Variants in RFTN1 observed in about 807,000 individuals in gnomAD.
RFTN1 encodes the protein raftlin.
RFTN1 carries 26 observed loss-of-function variants against 46.5 expected under a neutral mutation model. The observed-to-expected ratio is 0.56, with a 90% confidence interval of 0.41 to 0.78. The LOEUF (loss-of-function observed/expected upper bound fraction) is 0.78, where lower values mean the gene tolerates loss of function less well. RFTN1 is among the 30% of genes least tolerant of loss of function. The probability of loss-of-function intolerance (pLI) is 0.00; values close to 1 mark genes in which losing one functional copy is unlikely to be tolerated. For synonymous variants in RFTN1, 261 were observed against 284.2 expected (o/e 0.92, Z 0.82); for missense variants, 693 against 718.7 (o/e 0.96, Z 0.41).
Position 16,435,917 on chromosome 3 carries a change from A to AATATATATCT in RFTN1, c.146-1881_146-1880insAGATATATAT, listed in dbSNP as rs1269069904. 1.5e-3 allele frequency among the ~76,000 whole-genome samples: 215 copies of AATATATATCT among 142,370 alleles called. 1 individual carries two copies. Among genetic ancestry groups the AATATATATCT allele is most frequent in the African/African-American group, 5.5e-3 (207 of 37,792 alleles). 93.4% of individuals were successfully genotyped at this position (142,370 alleles called of 152,430 possible). A position where few individuals can be genotyped will look rare whatever the true frequency, so the allele number is the denominator to read the frequency against. On this transcript the variant is annotated intron_variant, in intron 2 of 9. Transcript: ENST00000334133. The stretch of plus-strand genomic sequence containing the variant: ...AAATAAATAAAAAATCAGAGATGTA[A>AATATATATCT]ATATATATATATATATATATATATA...
At chr3:16,358,501 C>T (rs545711634) in intron 6 of RFTN1, among the ~76,000 whole-genome samples, 6 of 150,418 alleles carry the variant, frequency 4.0e-5, no homozygotes, top group South Asian at 2.1e-4. Flanking sequence ...TTGTCAGATG[C>T]GTTGATTTTT....
chr3:16,423,432 C>A (rs911042597), intron 3 of RFTN1, among the ~76,000 whole-genome samples: 1 of 152,156 alleles, frequency 6.6e-6, no homozygotes, highest in Admixed American at 6.5e-5. Flanking sequence ...TCCTTACCTA[C>A]CTTAACCCTC....
intron 7 of RFTN1, chr3:16,349,271 G>C (rs567188829): frequency 6.6e-6 from 1 of 152,372 alleles, no homozygotes; most frequent in Non-Finnish European, 1.5e-5. Context: ...AAGAAATACA[G>C]GCATGCTGGC....
At position 16,387,503 on chromosome 3, in the gene RFTN1, C is replaced by T. The variant is rs1324804834; in HGVS notation, c.442-9401G>A. ...AAGGCAAAACCCAGGCCATAGAGCT[C>T]ATGTTTTCTGGCACCCTGGAAGACC... is the stretch of plus-strand genomic sequence containing the variant. On this transcript the variant is annotated intron_variant, in intron 4 of 9. Transcript: ENST00000334133. The surrounding 1 kb of genome is among the most constrained non-coding windows in gnomAD (Gnocchi z 5.2). Among the ~76,000 whole-genome samples the T allele has an allele frequency of 6.6e-6, 1 of 151,806 alleles. No homozygotes were observed. The highest frequency in any genetic ancestry group is 1.5e-5 in the Non-Finnish European group (1 of 67,988).
intron 3 of RFTN1, chr3:16,416,026 G>C (rs1166794756): frequency 8.6e-6 from 2 of 233,622 alleles, no homozygotes; most frequent in Non-Finnish European, 1.8e-5. Context: ...TCATCTTGCT[G>C]CTGAGTCATT....
At chr3:16,365,037 T>A (rs1484630621) in intron 6 of RFTN1, among the ~76,000 whole-genome samples, 2 of 144,992 alleles carry the variant, frequency 1.4e-5, no homozygotes, top group Non-Finnish European at 3.0e-5. Context: ...CAATAAAAGT[T>A]TTTTTAAAGG....
chr3:16,445,984 G>T (rs1181964679), intron 2 of RFTN1, among the ~76,000 whole-genome samples: 1 of 151,724 alleles, frequency 6.6e-6, no homozygotes, highest in Non-Finnish European at 1.5e-5. Context: ...CCCATGCTGG[G>T]TTTATTTGCC....
Position 16,337,977 on chromosome 3 carries a change from A to G in RFTN1, c.1147-11101T>C, listed in dbSNP as rs1353245877. Reference sequence around the variant, plus strand: ...CAGTGCCACCAGCTTGCCCTGGAAGAGAGAGATAAAAACCCACACTGGGTA... The same window carrying G: ...CAGTGCCACCAGCTTGCCCTGGAAGGGAGAGATAAAAACCCACACTGGGTA... On this transcript the variant is annotated intron_variant, in intron 7 of 9. Transcript: ENST00000334133. This position sits in a 1 kb window ranked among gnomAD's most constrained non-coding sequence, Gnocchi z 5.0. 1.3e-5 allele frequency among the ~76,000 whole-genome samples: 2 copies of G among 152,256 alleles called. No individual in the cohort carries two copies. Among genetic ancestry groups the G allele is most frequent in the Non-Finnish European group, 2.9e-5 (2 of 68,006 alleles).
intron 3 of RFTN1, among the ~76,000 whole-genome samples, chr3:16,411,958 G>T (rs977904812): frequency 1.3e-5 from 2 of 152,182 alleles, no homozygotes; most frequent in Non-Finnish European, 2.9e-5. Flanking sequence ...AGCCCAGATC[G>T]ATTCTAGGGA....
chr3:16,490,691 G>T (rs1193735307), intron 2 of RFTN1, among the ~76,000 whole-genome samples: 4 of 152,162 alleles, frequency 2.6e-5, no homozygotes, highest in Non-Finnish European at 4.4e-5. Context: ...AAGATTTATG[G>T]ACAATATTGC....
rs2074660061 is a variant in RFTN1 at position 16,403,559 on chromosome 3, C to CAGAG, written c.441+5815_441+5816insCTCT. 5.6e-5 allele frequency among the ~76,000 whole-genome samples: 6 copies of CAGAG among 107,392 alleles called. 2 individuals carry two copies. Among genetic ancestry groups the CAGAG allele is most frequent in the Non-Finnish European group, 1.0e-4 (6 of 57,456 alleles). 70.5% of individuals were successfully genotyped at this position (107,392 alleles called of 152,430 possible). A position where few individuals can be genotyped will look rare whatever the true frequency, so the allele number is the denominator to read the frequency against. ...AGCATATGAGAGACAGAGACAGAGA[C>CAGAG]ACACACACACACACATATATTATAT... On this transcript the variant is annotated intron_variant, in intron 4 of 9. Coordinates refer to ENST00000334133, the MANE Select transcript of RFTN1 (RefSeq NM_015150.2).
At chr3:16,401,860 A>G (rs2074611181) in intron 4 of RFTN1, among the ~76,000 whole-genome samples, 1 of 152,196 alleles carries the variant, frequency 6.6e-6, no homozygotes, top group Admixed American at 6.5e-5. Flanking sequence ...TTGGGTCCAT[A>G]TTTCCACCAG....
In RFTN1 at chr3:16,380,689, G is replaced by A. The variant is rs139260240; in HGVS notation, c.442-2587C>T. Among the ~76,000 whole-genome samples the A allele has an allele frequency of 1.1e-3, 167 of 152,330 alleles. No homozygotes were observed. Among genetic ancestry groups the A allele is most frequent in the African/African-American group, 3.8e-3 (159 of 41,578 alleles). On this transcript the variant is annotated intron_variant, in intron 4 of 9. Coordinates refer to ENST00000334133, the MANE Select transcript of RFTN1 (RefSeq NM_015150.2). This position sits in a 1 kb window ranked among gnomAD's most constrained non-coding sequence, Gnocchi z 4.8. ...TCAGAAACTCTGAGGGTGAGATCCA[G>A]CAATCTGTGTCTTAACAAGTCCTCC...
intron 3 of RFTN1, among the ~76,000 whole-genome samples, chr3:16,419,651 T>G (rs1005016921): frequency 6.6e-6 from 1 of 152,196 alleles, no homozygotes; most frequent in African/African-American, 2.4e-5. Context: ...ATGAGCCTGT[T>G]GGAGTTAAAA....
chr3:16,398,692 C>A (rs1384278291), intron 4 of RFTN1, among the ~76,000 whole-genome samples: 1 of 152,148 alleles, frequency 6.6e-6, no homozygotes, highest in African/African-American at 2.4e-5. Context: ...AGGCCTCAGG[C>A]AAAGTCATGT....
intron 7 of RFTN1, among the ~76,000 whole-genome samples, chr3:16,355,717 C>G (rs2072391382): frequency 6.6e-6 from 1 of 152,234 alleles, no homozygotes; most frequent in Non-Finnish European, 1.5e-5. Flanking sequence ...ACTGCCAGGC[C>G]CCACCCCCGG....
intron 3 of RFTN1, among the ~76,000 whole-genome samples, chr3:16,416,666 C>A (rs550422257): frequency 5.9e-5 from 9 of 152,170 alleles, no homozygotes; most frequent in Admixed American, 4.6e-4. Flanking sequence ...TGGGACATAA[C>A]TGAACAAGTC....
In RFTN1 at chr3:16,320,551, A is replaced by T. The variant is rs527654991; in HGVS notation, c.1332+2825T>A. ...ATGTCTGACTCTGCCTGGGAAGGAT[A>T]AAATAATGATCACAAATAACTAAAA... On this transcript the variant is annotated intron_variant, in intron 9 of 9. Transcript: ENST00000334133. This position sits in a 1 kb window ranked among gnomAD's most constrained non-coding sequence, Gnocchi z 4.5. Among the ~76,000 whole-genome samples the T allele has an allele frequency of 1.2e-4, 18 of 152,372 alleles. No individual in the cohort carries two copies. Among genetic ancestry groups the T allele is most frequent in the South Asian group, 6.2e-4 (3 of 4,828 alleles).
rs73818293 is a variant in RFTN1 at position 16,413,601 on chromosome 3, C to T, written c.333-4118G>A. On this transcript the variant is annotated intron_variant, in intron 3 of 9. Coordinates refer to ENST00000334133, the MANE Select transcript of RFTN1 (RefSeq NM_015150.2). The surrounding 1 kb of genome is among the most constrained non-coding windows in gnomAD (Gnocchi z 4.7). Reference sequence around the variant, plus strand: ...AAGGACAGAGAGATCTGGTTTTAAACAGTAAGAAAAAGAAAACACAGAATG... The same window carrying T: ...AAGGACAGAGAGATCTGGTTTTAAATAGTAAGAAAAAGAAAACACAGAATG... Among the ~76,000 whole-genome samples the T allele has an allele frequency of 6.3e-3, 960 of 152,208 alleles. 14 individuals are homozygous for T. Among genetic ancestry groups the T allele is most frequent in the African/African-American group, 0.022 (904 of 41,518 alleles).
Sources: allele counts gnomAD v4.1 joint callset (sites outside exome capture counted in the v4.1 genomes callset), GRCh38; gene constraint gnomAD v4.1.1; non-coding constraint Gnocchi (gnomAD v3.1); transcripts MANE v1.5; gene names NCBI Gene and HGNC (gene_info 2026-07-23, HGNC 2026-07-21).